AOPEP: variants seen among roughly 807,000 people sequenced by gnomAD.
The protein encoded by AOPEP is aminopeptidase O (putative), also known as aminopeptidase O.
Under a neutral mutation model 98.1 loss-of-function variants are expected in AOPEP, and 77 were observed. The observed-to-expected ratio is 0.78, with a 90% CI of 0.65 to 0.95. AOPEP has a LOEUF of 0.95. Among genes scored for constraint, AOPEP ranks in the 40% least tolerant of loss-of-function variants. The pLI is 0.00. For synonymous variants in AOPEP, 346 were observed against 365.3 expected (o/e 0.95, Z 0.60); for missense variants, 1,024 against 1,024.7 (o/e 1.00, Z 0.01).
chr9:94,938,578 A>C (rs2056615867), intron 7 of AOPEP, among the ~76,000 whole-genome samples: 1 of 152,138 alleles, frequency 6.6e-6, no homozygotes, highest in African/African-American at 2.4e-5. Context: ...CATAAAAAGG[A>C]ATGGATTGTG....
At chr9:95,000,003 C>T (rs1326588119) in intron 11 of AOPEP, among the ~76,000 whole-genome samples, 1 of 152,170 alleles carries the variant, frequency 6.6e-6, no homozygotes, top group East Asian at 1.9e-4. Flanking sequence ...AGCTGGTTCA[C>T]TGCAGAACCA....
At chr9:94,859,341 ATCTTCAAATC>A (rs1407355642) in intron 5 of AOPEP, among the ~76,000 whole-genome samples, 2 of 152,206 alleles carry the variant, frequency 1.3e-5, no homozygotes, top group Non-Finnish European at 2.9e-5. Flanking sequence ...AACTAAGGTC[ATCTTCAAATC>A]TCTGTCGGCA....
chr9:95,121,858 A>AT, the AOPEP span, among the ~76,000 whole-genome samples: 3,640 of 138,136 alleles, frequency 0.026, 125 homozygotes, highest in African/African-American at 0.081. Context: ...CATAAAATTC[A>AT]TTTTTTTTTT....
At chr9:94,995,693 T>G (rs2061175629) in intron 11 of AOPEP, among the ~76,000 whole-genome samples, 1 of 152,160 alleles carries the variant, frequency 6.6e-6, no homozygotes. Flanking sequence ...TTGAAACCCA[T>G]AATTATAAAA....
intron 13 of AOPEP, among the ~76,000 whole-genome samples, chr9:95,008,778 ATC>A (rs1381042899): frequency 6.6e-6 from 1 of 152,116 alleles, no homozygotes; most frequent in Non-Finnish European, 1.5e-5. Flanking sequence ...TTCATTTCTT[ATC>A]TCTCTGAAGA....
chr9:95,111,091 G>A, the AOPEP span: 5 of 1,518,192 alleles, frequency 3.3e-6, no homozygotes, highest in Non-Finnish European at 4.4e-6. Flanking sequence ...CCCTGGCTGT[G>A]GCCAGGCTCT....
At chr9:95,075,059 T>C (rs1029137940) in intron 14 of AOPEP, among the ~76,000 whole-genome samples, 1 of 152,220 alleles carries the variant, frequency 6.6e-6, no homozygotes, top group African/African-American at 2.4e-5. Flanking sequence ...TTGTTCTTTC[T>C]CTACTTGCCC....
At chr9:95,051,467 G>A (rs2066358533) in intron 13 of AOPEP, among the ~76,000 whole-genome samples, 1 of 151,918 alleles carries the variant, frequency 6.6e-6, no homozygotes, top group Non-Finnish European at 1.5e-5. Context: ...AGGAGACTAT[G>A]GAAGGCAAAG....
intron 13 of AOPEP, among the ~76,000 whole-genome samples, chr9:95,011,038 C>T (rs918290364): frequency 2.6e-5 from 4 of 152,034 alleles, no homozygotes; most frequent in African/African-American, 9.7e-5. Context: ...GATGAGGTTT[C>T]ACAAAGTCTT....
intron 5 of AOPEP, among the ~76,000 whole-genome samples, chr9:94,910,734 A>T (rs944973059): frequency 7.2e-5 from 11 of 152,062 alleles, no homozygotes; most frequent in Non-Finnish European, 1.6e-4. Context: ...AAGTATGGAC[A>T]TTTCCCTAGA....
At chr9:94,765,197 A>G (rs1027290242) in intron 2 of AOPEP, among the ~76,000 whole-genome samples, 2 of 151,830 alleles carry the variant, frequency 1.3e-5, no homozygotes, top group African/African-American at 4.8e-5. Context: ...TCCTGGGCCC[A>G]AGCATTCCTC....
chr9:94,840,977 A>T (rs560338311), intron 5 of AOPEP, among the ~76,000 whole-genome samples: 1 of 152,180 alleles, frequency 6.6e-6, no homozygotes, highest in Admixed American at 6.5e-5. Flanking sequence ...TTTCTTGCTT[A>T]CAGTTTAATA....
chr9:94,795,169 A>G (rs902005294), intron 4 of AOPEP, among the ~76,000 whole-genome samples: 8 of 152,330 alleles, frequency 5.3e-5, no homozygotes, highest in African/African-American at 1.9e-4. Flanking sequence ...CTAAGTAGCA[A>G]TACCTGGATT....
the AOPEP span, chr9:95,135,664 G>A: frequency 1.6e-6 from 1 of 634,938 alleles, no homozygotes; most frequent in Admixed American, 2.8e-5. Flanking sequence ...TTTACCAAGT[G>A]CTCATTTGCA....
chr9:95,128,673 C>T, the AOPEP span, among the ~76,000 whole-genome samples: 3 of 152,194 alleles, frequency 2.0e-5, no homozygotes, highest in African/African-American at 7.2e-5. Flanking sequence ...TGTTTTCTAG[C>T]AAAATCGCTC....
chr9:94,923,545 T>C (rs2053901823), intron 5 of AOPEP, among the ~76,000 whole-genome samples: 1 of 152,246 alleles, frequency 6.6e-6, no homozygotes, highest in South Asian at 2.1e-4. Context: ...TTTTCTGTCC[T>C]TCTGCATGAC....
At chr9:94,841,252 G>A (rs1352997588) in intron 5 of AOPEP, among the ~76,000 whole-genome samples, 1 of 150,670 alleles carries the variant, frequency 6.6e-6, no homozygotes, top group African/African-American at 2.4e-5. Context: ...GCTTACTGCA[G>A]GCTCCCCCTC....
chr9:94,979,244 T>A, intron 10 of AOPEP, 123 bp from the exon 11 acceptor site: 1 of 630,126 alleles, frequency 1.6e-6, no homozygotes, highest in Non-Finnish European at 2.9e-6. Flanking sequence ...CTGCCCTTTC[T>A]GTAAAGCACG....
At position 94,945,223 on chromosome 9, in the gene AOPEP, C is replaced by T. The variant is rs554652304; in HGVS notation, c.1662-9954C>T. 1.9e-4 allele frequency among the ~76,000 whole-genome samples: 29 copies of T among 152,310 alleles called. 1 individual carries two copies. The South Asian group carries it at 5.8e-3, about 30-fold the overall frequency. ...GATTGTGTGTTTTATCCATGCCATGCTATACCTCCCATTGTCCTCTTAATA... is the reference window on the plus strand; with the variant it reads ...GATTGTGTGTTTTATCCATGCCATGTTATACCTCCCATTGTCCTCTTAATA... On this transcript the variant is annotated intron_variant, in intron 7 of 16. Transcript: ENST00000375315.
Sources: allele counts gnomAD v4.1 joint callset (sites outside exome capture counted in the v4.1 genomes callset), GRCh38; gene constraint gnomAD v4.1.1; transcripts MANE v1.5; gene names NCBI Gene and HGNC (gene_info 2026-07-23, HGNC 2026-07-21).